Variants in POTEE observed in about 807,000 individuals in gnomAD.
POTEE encodes POTE ankyrin domain family member E, also known as ANKRD26-like family C member 1A.
POTEE carries 21 observed loss-of-function variants against 74.2 expected under a neutral mutation model. The ratio of observed to expected loss-of-function variants is 0.28; its 90% confidence interval spans 0.20 to 0.41. POTEE has a LOEUF of 0.41. POTEE is among the 10% of genes least tolerant of loss of function. The pLI is 1.00. For synonymous variants in POTEE, 211 were observed against 432.8 expected, an observed-to-expected ratio of 0.49 and a Z score of 6.36; for missense variants, 525 against 1,158.6, an observed-to-expected ratio of 0.45 and a Z score of 7.94.
intron 9 of POTEE, among the ~76,000 whole-genome samples, chr2:131,235,868 T>C (rs1472682579): frequency 5.3e-5 from 8 of 150,574 alleles, no homozygotes; most frequent in Admixed American, 4.0e-4. Flanking sequence ...ATTTTAGATA[T>C]TGGGAAGACA....
At chr2:131,221,318 A>G (rs1700610125) in intron 4 of POTEE, among the ~76,000 whole-genome samples, 1 of 152,186 alleles carries the variant, frequency 6.6e-6, no homozygotes, top group Non-Finnish European at 1.5e-5. Context: ...ATATGTCGAC[A>G]TGCAAAGATG....
chr2:131,211,532 G>GTGTGTGTGTGTGTGTGTGTGTA (rs1315118119), intron 2 of POTEE, among the ~76,000 whole-genome samples: 1 of 85,624 alleles, frequency 1.2e-5, no homozygotes, highest in Non-Finnish European at 2.7e-5. Context: ...GTGTGTGTGT[G>GTGTGTGTGTGTGTGTGTGTGTA]TGTGTGTGGC....
In POTEE at chr2:131,218,793, C is replaced by A; in HGVS notation, c.391C>A (p.Pro131Thr). ...CTACGATGACAGCGCCTTCATGGAG[C>A]CCAGGTACCACGTCCGTGGAGAAGA... ...GDYDDSAFME[P>T]RYHVRGEDLD... is the part of the protein sequence containing the mutation. The change falls in exon 4 of 18, where the codon CCC (proline) becomes ACC (threonine). Residue 131 changes from proline (P) to threonine (T), a missense_variant. Coordinates refer to ENST00000683005, the MANE Select transcript of POTEE (RefSeq NM_001083538.3). 2 of 1,612,736 alleles carry A rather than the reference C, an allele frequency of 1.2e-6. No individual in the cohort carries two copies. The highest frequency in any genetic ancestry group is 1.7e-6 in the Non-Finnish European group (2 of 1,179,872).
rs1490006752 is a variant in POTEE, at chr2:131,263,789, C to G, written c.2334C>G (p.Asn778Lys). The G allele has an allele frequency of 1.4e-5, 23 of 1,613,602 alleles. No homozygotes were observed. Among genetic ancestry groups the G allele is most frequent in the Non-Finnish European group, 1.7e-6 (2 of 1,180,008 alleles). The change falls in exon 18 of 18, where the codon AAC (asparagine) becomes AAG (lysine). Residue 778 changes from asparagine to lysine, a missense_variant. Physicochemically the swap from Asn to Lys is moderately conservative, Grantham distance 94. Coordinates refer to ENST00000683005, the MANE Select transcript of POTEE (RefSeq NM_001083538.3). ...KYPMEHGIITNWDDMEKIWHH... is the reference protein window; with the variant it reads ...KYPMEHGIITKWDDMEKIWHH... ...CCATGGAACACGGCATCATCACCAACTGGGATGACATGGAGAAGATCTGGC... is the reference window on the plus strand; with the variant it reads ...CCATGGAACACGGCATCATCACCAAGTGGGATGACATGGAGAAGATCTGGC...
At chr2:131,257,216 T>A in intron 16 of POTEE, among the ~76,000 whole-genome samples, 1 of 74,226 alleles carries the variant, frequency 1.3e-5, no homozygotes, top group East Asian at 3.5e-4. Flanking sequence ...TTTATCTCAC[T>A]CTCATGAATA....
intron 16 of POTEE, among the ~76,000 whole-genome samples, chr2:131,258,551 A>G (rs1290770287): frequency 2.0e-5 from 3 of 151,862 alleles, no homozygotes; most frequent in African/African-American, 4.8e-5. Flanking sequence ...TCTCTGTACA[A>G]TAATAGTGAT....
At chr2:131,230,487 A>G (rs1700918734) in intron 8 of POTEE, among the ~76,000 whole-genome samples, 1 of 152,196 alleles carries the variant, frequency 6.6e-6, no homozygotes, top group African/African-American at 2.4e-5. Flanking sequence ...TTTGTTGAAG[A>G]AGACATTGAG....
chr2:131,227,853 G>C (rs1700829215), intron 7 of POTEE, among the ~76,000 whole-genome samples: 1 of 147,510 alleles, frequency 6.8e-6, no homozygotes, highest in African/African-American at 2.6e-5. Context: ...TTACTGCTTT[G>C]AGCATGCAGA....
chr2:131,231,887 A>G (rs1700973385), intron 9 of POTEE, among the ~76,000 whole-genome samples: 1 of 152,100 alleles, frequency 6.6e-6, no homozygotes, highest in African/African-American at 2.4e-5. Context: ...TTAGCCATCT[A>G]TTTATCAAAG....
chr2:131,235,653 A>G (rs571294772), intron 9 of POTEE, among the ~76,000 whole-genome samples: 120 of 151,966 alleles, frequency 7.9e-4, no homozygotes, highest in Non-Finnish European at 1.4e-3. Context: ...TTAGCTGGGC[A>G]TGATGGTACA....
chr2:131,262,347 A>ACAT (rs1241173498), intron 17 of POTEE, among the ~76,000 whole-genome samples: 1 of 140,238 alleles, frequency 7.1e-6, no homozygotes, highest in African/African-American at 2.6e-5. Flanking sequence ...GAAAACAATG[A>ACAT]CATGCCATGA....
chr2:131,258,570 A>G (rs1701624757), intron 16 of POTEE, among the ~76,000 whole-genome samples: 1 of 152,064 alleles, frequency 6.6e-6, no homozygotes, highest in African/African-American at 2.4e-5. Flanking sequence ...ATATTGTTAT[A>G]CATTTTTATC....
chr2:131,216,736 CATATT>C (rs1700450948), intron 2 of POTEE, among the ~76,000 whole-genome samples: 1 of 145,388 alleles, frequency 6.9e-6, no homozygotes, highest in African/African-American at 2.5e-5. Context: ...AAAAGAAAAA[CATATT>C]AATACATGCT....
At chr2:131,221,084 C>T (rs1193821560) in intron 4 of POTEE, among the ~76,000 whole-genome samples, 1 of 151,918 alleles carries the variant, frequency 6.6e-6, no homozygotes, top group African/African-American at 2.4e-5. Context: ...GCTTTTCAAA[C>T]AAACACTTTA....
chr2:131,243,507 G>A (rs1157522344), intron 12 of POTEE, among the ~76,000 whole-genome samples: 1 of 151,756 alleles, frequency 6.6e-6, no homozygotes, highest in Non-Finnish European at 1.5e-5. Context: ...CATATTGGAT[G>A]TAGCTACCTA....
chr2:131,235,321 G>T (rs1701093347), intron 9 of POTEE, among the ~76,000 whole-genome samples: 1 of 152,122 alleles, frequency 6.6e-6, no homozygotes, highest in Non-Finnish European at 1.5e-5. Context: ...GCTCAAGACT[G>T]TCCTCTGCAG....
chr2:131,214,277 TTAG>T (rs1195203464), intron 2 of POTEE, among the ~76,000 whole-genome samples: 1 of 152,258 alleles, frequency 6.6e-6, no homozygotes, highest in Non-Finnish European at 1.5e-5. Flanking sequence ...GCATCAGAAA[TTAG>T]TAGGGGAGAG....
At position 131,209,726 on chromosome 2, in the gene POTEE, C is replaced by T. The variant is rs1247627249; in HGVS notation, c.-438C>T. ...GAGCAGCACCGACGCATGCTGGAGG[C>T]TGGAGCCTGAGCCCCTGGGGCTCGC... On this transcript the variant is annotated 5_prime_UTR_variant, in exon 1 of 18. Coordinates refer to ENST00000683005, the MANE Select transcript of POTEE (RefSeq NM_001083538.3). 3.9e-5 allele frequency among the ~76,000 whole-genome samples: 6 copies of T among 152,260 alleles called. No homozygotes were observed. The highest frequency in any genetic ancestry group is 2.1e-4 in the South Asian group (1 of 4,834).
chr2:131,230,019 C>G (rs1700900078), intron 8 of POTEE, among the ~76,000 whole-genome samples: 1 of 152,110 alleles, frequency 6.6e-6, no homozygotes, highest in Admixed American at 6.6e-5. Flanking sequence ...AAAGCATTAT[C>G]CTAACAGACA....
Sources: allele counts gnomAD v4.1 joint callset (sites outside exome capture counted in the v4.1 genomes callset), GRCh38; gene constraint gnomAD v4.1.1; transcripts MANE v1.5; gene names NCBI Gene and HGNC (gene_info 2026-07-23, HGNC 2026-07-21).